CSMD1: variants seen among roughly 807,000 people sequenced by gnomAD.
CSMD1 encodes the protein CUB and sushi domain-containing protein 1.
A neutral mutation model predicts 417.5 loss-of-function variants in CSMD1; 213 were observed. The observed-to-expected ratio is 0.51, with a 90% CI of 0.46 to 0.57. The LOEUF is 0.57. Ranked by LOEUF, CSMD1 falls within the 20% of genes least tolerant of loss-of-function variation. The pLI is 0.00. For missense variants in CSMD1, 6,923 were observed against 4,529.7 expected (o/e 1.53, Z -15.17); for synonymous variants, 2,862 against 1,736.8 (o/e 1.65, Z -16.11).
intron 2 of CSMD1, among the ~76,000 whole-genome samples, chr8:4,458,987 G>C (rs768540325): frequency 1.3e-5 from 2 of 152,142 alleles, no homozygotes; most frequent in South Asian, 2.1e-4. Context: ...TCTCAGTGAG[G>C]ATTCACGTTT....
At chr8:3,108,492 C>G in intron 44 of CSMD1, 111 bp downstream of exon 44, 1 of 1,113,146 alleles carries the variant, frequency 9.0e-7, no homozygotes, top group Non-Finnish European at 1.3e-6. Flanking sequence ...GAATCATACA[C>G]GCCCTCGGCT....
chr8:4,831,080 G>A (rs1800122840), intron 1 of CSMD1, among the ~76,000 whole-genome samples: 1 of 152,178 alleles, frequency 6.6e-6, no homozygotes, highest in South Asian at 2.1e-4. Flanking sequence ...CTCAAAGTGG[G>A]AGGGATGTTT....
At chr8:3,791,150 CT>C (rs1360835031) in intron 5 of CSMD1, among the ~76,000 whole-genome samples, 2 of 152,152 alleles carry the variant, frequency 1.3e-5, no homozygotes, top group Non-Finnish European at 2.9e-5. Context: ...ACATATTCTT[CT>C]AGGTTATTAC....
intron 10 of CSMD1, among the ~76,000 whole-genome samples, chr8:3,563,398 T>TA (rs200586505): frequency 0.068 from 3,336 of 49,130 alleles, 138 homozygotes; most frequent in African/African-American, 0.21. Flanking sequence ...AGAAAAATTG[T>TA]AAAAAAAAGT....
At chr8:4,943,881 A>C (rs1036610311) in intron 1 of CSMD1, among the ~76,000 whole-genome samples, 1 of 152,240 alleles carries the variant, frequency 6.6e-6, no homozygotes, top group African/African-American at 2.4e-5. Context: ...AAGAGCCCAA[A>C]ACGCTTAAAG....
At chr8:4,914,252 G>T (rs1020671591) in intron 1 of CSMD1, among the ~76,000 whole-genome samples, 22 of 152,146 alleles carry the variant, frequency 1.4e-4, no homozygotes, top group Non-Finnish European at 1.5e-5. Flanking sequence ...AAGTGAGTGT[G>T]CAGAGGAAAT....
At chr8:3,956,347 T>TCAGGC (rs1444710423) in intron 5 of CSMD1, among the ~76,000 whole-genome samples, 1 of 152,192 alleles carries the variant, frequency 6.6e-6, no homozygotes, top group Non-Finnish European at 1.5e-5. Flanking sequence ...AAGATGTTAG[T>TCAGGC]CAGTTGCCTT....
At chr8:3,185,946 GTC>G (rs1477209712) in intron 36 of CSMD1, among the ~76,000 whole-genome samples, 1 of 151,718 alleles carries the variant, frequency 6.6e-6, no homozygotes, top group Non-Finnish European at 1.5e-5. Flanking sequence ...AGGATTTCCT[GTC>G]TCTCTCTGAT....
intron 40 of CSMD1, among the ~76,000 whole-genome samples, chr8:3,150,670 A>C (rs2129035430): frequency 6.6e-6 from 1 of 152,314 alleles, no homozygotes; most frequent in Non-Finnish European, 1.5e-5. Flanking sequence ...TAAGTACCTA[A>C]CTTGGTCTAC....
chr8:3,463,508 T>C (rs1438893659), intron 12 of CSMD1, among the ~76,000 whole-genome samples: 4 of 152,338 alleles, frequency 2.6e-5, no homozygotes, highest in African/African-American at 7.2e-5. Flanking sequence ...TTTAGGGTTT[T>C]AGAAGTCACT....
intron 5 of CSMD1, among the ~76,000 whole-genome samples, chr8:3,952,286 G>C (rs750331922): frequency 2.6e-5 from 4 of 152,112 alleles, no homozygotes; most frequent in South Asian, 2.1e-4. Context: ...TACTTCTAGA[G>C]GCTACGCGAA....
rs932761744 is a variant in CSMD1, at chr8:3,103,773, T to G, written c.6949+2755A>C. 1.3e-3 allele frequency among the ~76,000 whole-genome samples: 196 copies of G among 152,156 alleles called. 1 individual carries two copies. Among genetic ancestry groups the G allele is most frequent in the African/African-American group, 4.4e-3 (183 of 41,500 alleles). On this transcript the variant is annotated intron_variant, in intron 46 of 69. Coordinates refer to ENST00000635120, the MANE Select transcript of CSMD1 (RefSeq NM_033225.6). ...TTAAAAAAAAAAAATGATGTAGTTT[T>G]GCTCTTGTTGCCCAGGCTGGAGTGC...
rs918089344 is a variant in CSMD1, at chr8:4,203,697, CACAA to C, written c.416-171602_416-171599del. ...CATTTGTAAGTAGGGATCACACACA[CACAA>C]ACATACACACACATACACATCTGCA... On this transcript the variant is annotated intron_variant, in intron 3 of 69. Coordinates refer to ENST00000635120, the MANE Select transcript of CSMD1 (RefSeq NM_033225.6). 2.6e-5 allele frequency among the ~76,000 whole-genome samples: 4 copies of C among 152,104 alleles called. No homozygotes were observed. The South Asian group carries it at 6.2e-4, about 24-fold the overall frequency.
At chr8:4,375,991 G>A (rs1325826468) in intron 3 of CSMD1, among the ~76,000 whole-genome samples, 1 of 152,140 alleles carries the variant, frequency 6.6e-6, no homozygotes, top group Non-Finnish European at 1.5e-5. Flanking sequence ...CACTGTTTCT[G>A]AGAGCAGCCA....
At chr8:3,371,693 C>T (rs764102532) in intron 18 of CSMD1, among the ~76,000 whole-genome samples, 5 of 152,122 alleles carry the variant, frequency 3.3e-5, no homozygotes, top group South Asian at 2.1e-4. Flanking sequence ...CTAGCCTCAT[C>T]GTGCTCACTA....
intron 3 of CSMD1, among the ~76,000 whole-genome samples, chr8:4,249,347 G>C (rs185608588): frequency 6.6e-6 from 1 of 152,156 alleles, no homozygotes; most frequent in Admixed American, 6.5e-5. Context: ...GGAATAAAGC[G>C]GTGTTCAGTC....
chr8:3,971,995 C>G (rs1473176608), intron 5 of CSMD1, among the ~76,000 whole-genome samples: 2 of 151,964 alleles, frequency 1.3e-5, no homozygotes, highest in East Asian at 1.9e-4. Context: ...CAGCCTTGAC[C>G]TCCCAGGCTC....
At chr8:4,610,549 T>A (rs183014359) in intron 2 of CSMD1, among the ~76,000 whole-genome samples, 1 of 152,162 alleles carries the variant, frequency 6.6e-6, no homozygotes, top group Non-Finnish European at 1.5e-5. Context: ...GGAGGTATCA[T>A]GTTTGCCGTT....
At chr8:4,161,543 T>A (rs948367419) in intron 3 of CSMD1, among the ~76,000 whole-genome samples, 4 of 152,208 alleles carry the variant, frequency 2.6e-5, no homozygotes, top group Non-Finnish European at 5.9e-5. Context: ...ACTGTGCACC[T>A]CCTACTACTT....
Sources: allele counts gnomAD v4.1 joint callset (sites outside exome capture counted in the v4.1 genomes callset), GRCh38; gene constraint gnomAD v4.1.1; transcripts MANE v1.5; gene names NCBI Gene and HGNC (gene_info 2026-07-23, HGNC 2026-07-21).